OCA2: variants seen among roughly 807,000 people sequenced by gnomAD.
The protein encoded by OCA2 is OCA2 melanosomal transmembrane protein.
Under a neutral mutation model 100.2 loss-of-function variants are expected in OCA2, and 77 were observed. The ratio of observed to expected loss-of-function variants is 0.77; its 90% CI spans 0.64 to 0.93. The LOEUF is 0.93. Ranked by LOEUF, OCA2 falls within the 40% of genes least tolerant of loss-of-function variation. The pLI is 0.00. For synonymous variants in OCA2, 432 were observed against 439.2 expected, an observed-to-expected ratio of 0.98 and a Z score of 0.21; for missense variants, 1,062 against 1,089.1, an observed-to-expected ratio of 0.98 and a Z score of 0.35.
intron 23 of OCA2, among the ~76,000 whole-genome samples, chr15:27,829,731 CA>C (rs1379383794): frequency 2.0e-5 from 3 of 152,208 alleles, no homozygotes; most frequent in Non-Finnish European, 4.4e-5. Context: ...CGCTAATCTA[CA>C]GAGAGGAAGC....
At chr15:28,054,112 G>A (rs76239476) in intron 2 of OCA2, among the ~76,000 whole-genome samples, 2,760 of 152,270 alleles carry the variant, frequency 0.018, 97 homozygotes, top group African/African-American at 0.063. Flanking sequence ...ATGTATATAG[G>A]TGCATGTGTA....
chr15:27,912,113 G>T (rs1584407), intron 19 of OCA2, among the ~76,000 whole-genome samples: 29,140 of 152,114 alleles, frequency 0.19, 4,107 homozygotes, highest in East Asian at 0.62. Flanking sequence ...GGAATTCAGG[G>T]AATCAATATG....
At chr15:27,811,366 A>G (rs7161969) in intron 23 of OCA2, among the ~76,000 whole-genome samples, 106,514 of 151,914 alleles carry the variant, frequency 0.7, 38,214 homozygotes, top group East Asian at 1. Flanking sequence ...TCAGAATGGG[A>G]AGGGTGAGAG....
At chr15:27,774,025 A>G (rs1316282323) in intron 23 of OCA2, among the ~76,000 whole-genome samples, 3 of 152,110 alleles carry the variant, frequency 2.0e-5, no homozygotes, top group African/African-American at 7.2e-5. Context: ...ATCTGTTTCT[A>G]TGGTTTTTTT....
intron 23 of OCA2, among the ~76,000 whole-genome samples, chr15:27,778,139 C>T (rs1266384813): frequency 6.6e-6 from 1 of 152,114 alleles, no homozygotes; most frequent in Admixed American, 6.5e-5. Context: ...TCAGGCAGAC[C>T]ATGATTACAA....
At chr15:27,791,593 G>C (rs1476285984) in intron 23 of OCA2, among the ~76,000 whole-genome samples, 3 of 152,118 alleles carry the variant, frequency 2.0e-5, no homozygotes, top group African/African-American at 7.2e-5. Flanking sequence ...ATGTGGCTAC[G>C]GATTCTTCAA....
Position 27,882,271 on chromosome 15 carries a change from A to T in OCA2, c.2080-10349T>A, listed in dbSNP as rs565334545. ...AAAAAATTTTCTCTAAGTTCTTTAG[A>T]TTGGATAATTTACACTGATCTATTT... On this transcript the variant is annotated intron_variant, in intron 19 of 23. Coordinates refer to ENST00000354638, the MANE Select transcript of OCA2 (RefSeq NM_000275.3). Among the ~76,000 whole-genome samples, 70 of 152,276 alleles carry T rather than the reference A, an allele frequency of 4.6e-4. 1 individual carries two copies. In the South Asian group the frequency reaches 0.012, roughly 26 times the overall value.
At chr15:28,055,920 G>A (rs1272915366) in intron 2 of OCA2, among the ~76,000 whole-genome samples, 2 of 152,218 alleles carry the variant, frequency 1.3e-5, no homozygotes, top group African/African-American at 4.8e-5. Flanking sequence ...TCAAGGACCT[G>A]CCAGGAGCCC....
At chr15:28,006,351 G>A (rs1339524130) in intron 9 of OCA2, among the ~76,000 whole-genome samples, 4 of 152,206 alleles carry the variant, frequency 2.6e-5, no homozygotes, top group Non-Finnish European at 5.9e-5. Flanking sequence ...GCATGCGAAA[G>A]AGAGCCATCC....
intron 2 of OCA2, among the ~76,000 whole-genome samples, chr15:28,061,423 C>T (rs2043869125): frequency 6.6e-6 from 1 of 152,070 alleles, no homozygotes; most frequent in Non-Finnish European, 1.5e-5. Flanking sequence ...AGCAAAAAGC[C>T]CTGGGAAGGG....
chr15:27,970,138 C>G (rs757307487), intron 14 of OCA2, among the ~76,000 whole-genome samples: 1 of 151,814 alleles, frequency 6.6e-6, no homozygotes, highest in Admixed American at 6.6e-5. Flanking sequence ...AAGGAAGAGC[C>G]TCTGGCAGAG....
intron 2 of OCA2, among the ~76,000 whole-genome samples, chr15:28,053,575 T>C (rs1019122663): frequency 6.6e-6 from 1 of 152,166 alleles, no homozygotes; most frequent in South Asian, 2.1e-4. Flanking sequence ...CTACCATGGC[T>C]ACCTCCCTCC....
chr15:27,745,468 C>T, the OCA2 span, among the ~76,000 whole-genome samples: 3 of 152,208 alleles, frequency 2.0e-5, no homozygotes, highest in Non-Finnish European at 1.5e-5. Flanking sequence ...AGTCTGTTCC[C>T]TTAACCGTAA....
At chr15:27,955,378 G>A (rs1046174057) in intron 16 of OCA2, among the ~76,000 whole-genome samples, 163 bp from the exon 17 acceptor site, 3 of 152,066 alleles carry the variant, frequency 2.0e-5, no homozygotes, top group African/African-American at 7.2e-5. Context: ...TTGTTGGCTG[G>A]AAAAGGTGCT....
chr15:27,913,171 G>A (rs2038461765), intron 19 of OCA2, among the ~76,000 whole-genome samples: 1 of 152,112 alleles, frequency 6.6e-6, no homozygotes, highest in South Asian at 2.1e-4. Context: ...TGAAGAAACT[G>A]AATAGTATTT....
intron 23 of OCA2, among the ~76,000 whole-genome samples, chr15:27,829,145 G>C (rs1228077337): frequency 6.6e-6 from 1 of 152,060 alleles, no homozygotes; most frequent in African/African-American, 2.4e-5. Context: ...CTACAACAAG[G>C]GCAGAAGTGG....
At chr15:27,960,285 G>T (rs1277530834) in intron 15 of OCA2, among the ~76,000 whole-genome samples, 2 of 152,114 alleles carry the variant, frequency 1.3e-5, no homozygotes, top group Non-Finnish European at 2.9e-5. Context: ...TGTGTCACAG[G>T]TGTCAGATCT....
chr15:27,809,830 T>A (rs1595447849), intron 23 of OCA2, among the ~76,000 whole-genome samples: 2 of 152,294 alleles, frequency 1.3e-5, no homozygotes, highest in South Asian at 4.1e-4. Context: ...AAGACCTCTA[T>A]AAGGAAAACT....
Position 27,851,338 on chromosome 15 carries a change from T to C in OCA2, c.2338+44A>G, listed in dbSNP as rs908353607. ...ACTGTTGCTTTGGGCTGAACCACAGTGTGGGCGTGCACCCCCACCCCCATG... is the reference window on the plus strand; with the variant it reads ...ACTGTTGCTTTGGGCTGAACCACAGCGTGGGCGTGCACCCCCACCCCCATG... On this transcript the variant is annotated intron_variant, in intron 22 of 23. Transcript: ENST00000354638. 4 of 1,477,326 alleles carry C rather than the reference T, an allele frequency of 2.7e-6. No individual in the cohort carries two copies. In the African/African-American group the frequency reaches 5.6e-5, roughly 21 times the overall value. 91.5% of individuals were successfully genotyped at this position (1,477,326 alleles called of 1,614,324 possible). A position where few individuals can be genotyped will look rare whatever the true frequency, so the allele number is the denominator to read the frequency against.
Sources: gnomAD v4.1 joint callset for allele counts (sites outside exome capture counted in the v4.1 genomes callset) on GRCh38, gnomAD v4.1.1 for gene constraint, MANE v1.5 for transcripts, NCBI Gene and HGNC (gene_info 2026-07-23, HGNC 2026-07-21) for gene names.